Variants in MEFV observed in about 807,000 individuals in gnomAD.
MEFV encodes pyrin.
In MEFV, 60 loss-of-function variants were observed where a neutral mutation model predicts 62.5. That is an observed-to-expected ratio of 0.96 (90% confidence interval 0.78 to 1.19). The LOEUF (loss-of-function observed/expected upper bound fraction) is 1.19, where lower values mean the gene tolerates loss of function less well. Among genes scored for constraint, MEFV ranks in the 50% most tolerant of loss-of-function variants. MEFV has a pLI of 0.00. For synonymous variants in MEFV, 500 were observed against 415.2 expected (o/e 1.20, Z -2.48); for missense variants, 1,169 against 1,004.5 (o/e 1.16, Z -2.21).
At chr16:3,250,885 G>C (rs1189659169) in intron 2 of MEFV, among the ~76,000 whole-genome samples, 1 of 151,562 alleles carries the variant, frequency 6.6e-6, no homozygotes, top group Non-Finnish European at 1.5e-5. Context: ...TTAGCCGGAC[G>C]TGGTGGTGGG....
At position 3,243,228 on chromosome 16, in the gene MEFV, T is replaced by C. The variant is rs104895174; in HGVS notation, c.2259A>G (p.Gln753=). The C allele has an allele frequency of 3.1e-6, 5 of 1,614,092 alleles. No individual in the cohort carries two copies. Among genetic ancestry groups the C allele is most frequent in the South Asian group, 2.2e-5 (2 of 91,082 alleles). The part of the protein sequence containing the change: ...FASCSFSGPL[Q]PIFSPGTRDG... ...CACGTGTCCCAGGGCTGAAGATAGG[T>C]TGAAGGGGCCCAGAGAAAGAGCAGC... The change falls in exon 10 of 10, where the codon CAA becomes CAG. Residue 753 remains glutamine, a synonymous_variant. Coordinates refer to ENST00000219596, the MANE Select transcript of MEFV (RefSeq NM_000243.3).
Position 3,243,604 on chromosome 16 carries a change from C to T in MEFV, c.1883G>A (p.Arg628Lys), listed in dbSNP as rs954997073. 3 of 1,600,362 alleles carry T rather than the reference C, an allele frequency of 1.9e-6. No homozygotes were observed. Among genetic ancestry groups the T allele is most frequent in the Non-Finnish European group, 2.6e-6 (3 of 1,172,258 alleles). ...KSVRLGNKWE[R>K]LPDGPQRFDS... ...AAATCTTTGCGGGCCATCAGGCAGC[C>T]TCTCCCACTTGTTTCCAAGTCTAAC... The change falls in exon 10 of 10, where the codon AGG becomes AAG. Residue 628 changes from arginine (R) to lysine (K), a missense_variant. Coordinates refer to ENST00000219596, the MANE Select transcript of MEFV (RefSeq NM_000243.3).
At chr16:3,254,811 A>C in intron 1 of MEFV, 21 bp from the exon 2 acceptor site, 2 of 1,608,882 alleles carry the variant, frequency 1.2e-6, no homozygotes, top group Non-Finnish European at 1.7e-6. Flanking sequence ...AACCAGATGC[A>C]AAATGATGAA....
In MEFV at chr16:3,254,432, C is replaced by G. The variant is rs747816443; in HGVS notation, c.636G>C (p.Arg212Ser). Residue 212 changes from arginine (R) to serine (S), a missense_variant, in exon 2 of 10, where the codon AGG becomes AGC. Coordinates refer to ENST00000219596, the MANE Select transcript of MEFV (RefSeq NM_000243.3). ...RLRRNASSAGRLQGLAGGAPG... is the reference protein window; with the variant it reads ...RLRRNASSAGSLQGLAGGAPG... ...GGGCGCCCCCCGCCAGCCCCTGCAG[C>G]CTCCCCGCGGAGCTGGCGTTTCTGC... is the stretch of plus-strand genomic sequence containing the variant. 1.9e-6 allele frequency: 3 copies of G among 1,611,626 alleles called. No individual in the cohort carries two copies. In the African/African-American group the frequency reaches 4.0e-5, roughly 22 times the overall value.
rs528083286 is a variant in MEFV, at chr16:3,253,534, G to C, written c.910+624C>G. ...TTTTTTCCCCCCAAAATGTTTAAGAGACAGGGTCTTGCTCTGTTGCCCAGG... is the reference window on the plus strand; with the variant it reads ...TTTTTTCCCCCCAAAATGTTTAAGACACAGGGTCTTGCTCTGTTGCCCAGG... On this transcript the variant is annotated intron_variant, in intron 2 of 9. Coordinates refer to ENST00000219596, the MANE Select transcript of MEFV (RefSeq NM_000243.3). Among the ~76,000 whole-genome samples the C allele has an allele frequency of 3.9e-5, 6 of 152,100 alleles. 1 individual carries two copies. In the South Asian group the frequency reaches 1.0e-3, roughly 26 times the overall value.
chr16:3,254,856 G>C (rs1292331314), intron 1 of MEFV, 66 bp from the exon 2 acceptor site: 3 of 1,600,776 alleles, frequency 1.9e-6, no homozygotes, highest in African/African-American at 1.3e-5. Flanking sequence ...ATTCAGGGCA[G>C]AGGAGAGAGA....
chr16:3,247,665 G>C, intron 4 of MEFV: 2 of 215,266 alleles, frequency 9.3e-6, no homozygotes, highest in Admixed American at 1.0e-4. Flanking sequence ...TGGGTGCATT[G>C]GCTCATGTCT....
chr16:3,254,578 T>G lies in MEFV; in HGVS notation c.490A>C (p.Lys164Gln), dbSNP rs1306636942. The G allele has an allele frequency of 1.3e-6, 2 of 1,585,650 alleles. No homozygotes were observed. The highest frequency in any genetic ancestry group is 1.7e-6 in the Non-Finnish European group (2 of 1,169,680). ...TGCGCGTCCAGGCCCTCCGAGGCCT[T>G]CTCTCTGCGTTTGCTCAGGGGCTTC... ...SRKPLSKRRE[K>Q]ASEGLDAQGK... Residue 164 changes from lysine (K) to glutamine (Q), a missense_variant, in exon 2 of 10, where the codon AAG becomes CAG. By Grantham distance (53) the Lys-to-Gln change is moderately conservative. Transcript: ENST00000219596.
At chr16:3,243,757 C>T in intron 9 of MEFV, 63 bp from the exon 10 acceptor site, 1 of 1,609,328 alleles carries the variant, frequency 6.2e-7, no homozygotes, top group Non-Finnish European at 8.5e-7. Context: ...AGGGTTCTCC[C>T]CACCTGCAGG....
intron 4 of MEFV, chr16:3,248,626 A>G (rs552600375): frequency 2.3e-5 from 19 of 823,322 alleles, no homozygotes; most frequent in Non-Finnish European, 3.1e-5. Flanking sequence ...CTTTTCCTCA[A>G]TCCCATCTTT....
chr16:3,249,632 G>A lies in MEFV; in HGVS notation c.1059C>T (p.Pro353=), dbSNP rs988793460. ...TCCTTTCATGGGAGTCCTGGCACCGGGGGCAGCCAGGTGAGCGGCTGCCTG... is the reference window on the plus strand; with the variant it reads ...TCCTTTCATGGGAGTCCTGGCACCGAGGGCAGCCAGGTGAGCGGCTGCCTG... ...QASGSRSPGC[P]RCQDSHERKS... Residue 353 remains proline, a synonymous_variant, in exon 3 of 10, where the codon CCC becomes CCT. Coordinates refer to ENST00000219596, the MANE Select transcript of MEFV (RefSeq NM_000243.3). 11 of 1,613,822 alleles carry A rather than the reference G, an allele frequency of 6.8e-6. No homozygotes were observed. Among genetic ancestry groups the A allele is most frequent in the Non-Finnish European group, 9.3e-6 (11 of 1,179,912 alleles).
intron 5 of MEFV, 102 bp from the exon 6 acceptor site, chr16:3,246,649 C>CA: frequency 7.8e-7 from 1 of 1,280,204 alleles, no homozygotes; most frequent in Non-Finnish European, 1.1e-6. Flanking sequence ...CTCCCCGCTG[C>CA]ACTTACCAGG....
At chr16:3,249,134 G>C in intron 3 of MEFV, 130 bp from the exon 4 acceptor site, 1 of 940,194 alleles carries the variant, frequency 1.1e-6, no homozygotes, top group Non-Finnish European at 1.7e-6. Context: ...CATGGGGAGG[G>C]GTGCTCAGGA....
At chr16:3,250,794 G>A (rs897911940) in intron 2 of MEFV, among the ~76,000 whole-genome samples, 3 of 151,438 alleles carry the variant, frequency 2.0e-5, no homozygotes, top group African/African-American at 7.3e-5. Context: ...GGGAGGCCGA[G>A]GCGGGTGGGT....
intron 1 of MEFV, 81 bp downstream of exon 1, chr16:3,256,230 C>G: frequency 5.3e-6 from 8 of 1,516,774 alleles, no homozygotes; most frequent in Non-Finnish European, 7.2e-6. Flanking sequence ...TCAGAGTGAG[C>G]TGCTCTGAGC....
intron 4 of MEFV, 83 bp from the exon 5 acceptor site, chr16:3,247,329 C>G: frequency 8.1e-7 from 1 of 1,233,000 alleles, no homozygotes; most frequent in Non-Finnish European, 1.2e-6. Flanking sequence ...AGCCCACCTC[C>G]TGGAGGTGGA....
Position 3,244,264 on chromosome 16 carries a change from T to G in MEFV, c.1749A>C (p.Glu583Asp). The G allele has an allele frequency of 6.2e-7, 1 of 1,614,050 alleles. No individual in the cohort carries two copies. The highest frequency in any genetic ancestry group is 8.5e-7 in the Non-Finnish European group (1 of 1,180,004). ...TACCGCTGGACTCACCATTGAACAT[T>G]TCCATTTCTGAACGCAGGGTTTCTA... ...YFSETLRSEMEMFNVPELIGA... is the reference protein window; with the variant it reads ...YFSETLRSEMDMFNVPELIGA... Residue 583 changes from glutamate to aspartate, a missense_variant, in exon 8 of 10, where the codon GAA becomes GAC. Glu to Asp is a conservative substitution (Grantham distance 45, BLOSUM62 2). Coordinates refer to ENST00000219596, the MANE Select transcript of MEFV (RefSeq NM_000243.3).
rs762220068 is a variant in MEFV, at chr16:3,243,988, C to T, written c.1760-96G>A. 3.2e-6 allele frequency: 5 copies of T among 1,575,096 alleles called. No individual in the cohort carries two copies. The African/African-American group carries it at 4.0e-5, about 13-fold the overall frequency. On this transcript the variant is annotated intron_variant, in intron 8 of 9. Transcript: ENST00000219596. ...CTGACAACAAGGAAAGACAAGGAAC[C>T]CCCTGCTTAGGGCCCTGCATGCTAT...
At chr16:3,248,791 G>A in intron 4 of MEFV, 118 bp downstream of exon 4, 2 of 1,595,656 alleles carry the variant, frequency 1.3e-6, no homozygotes, top group Non-Finnish European at 1.7e-6. Flanking sequence ...TCTGTCCCCT[G>A]AGAGGAGGTG....
Sources: allele counts gnomAD v4.1 joint callset (sites outside exome capture counted in the v4.1 genomes callset), GRCh38; gene constraint gnomAD v4.1.1; transcripts MANE v1.5; gene names NCBI Gene and HGNC (gene_info 2026-07-23, HGNC 2026-07-21).